Variants in THSD4 observed in about 807,000 individuals in gnomAD.
THSD4 encodes thrombospondin type-1 domain-containing protein 4.
THSD4 carries 69 observed loss-of-function variants against 119.0 expected under a neutral mutation model. That is an observed-to-expected ratio of 0.58 (90% confidence interval 0.48 to 0.71). The LOEUF (loss-of-function observed/expected upper bound fraction) is 0.71, where lower values mean the gene tolerates loss of function less well. Among genes scored for constraint, THSD4 ranks in the 30% least tolerant of loss-of-function variants. The pLI, the probability that THSD4 is intolerant of heterozygous loss-of-function variation, is 0.00. For missense variants in THSD4, 1,393 were observed against 1,391.1 expected (o/e 1.00, Z -0.02); for synonymous variants, 524 against 540.4 (o/e 0.97, Z 0.42).
At chr15:71,314,439 T>C (rs940054777) in intron 6 of THSD4, among the ~76,000 whole-genome samples, 2 of 152,102 alleles carry the variant, frequency 1.3e-5, no homozygotes, top group Non-Finnish European at 2.9e-5. Context: ...CCCAGGTAGC[T>C]GGGATTACAG....
At chr15:71,507,085 T>G (rs1283751939) in intron 7 of THSD4, among the ~76,000 whole-genome samples, 1 of 152,178 alleles carries the variant, frequency 6.6e-6, no homozygotes, top group Non-Finnish European at 1.5e-5. Flanking sequence ...TAGGCAAATT[T>G]AAAATGAGAC....
intron 1 of THSD4, among the ~76,000 whole-genome samples, chr15:71,110,078 C>G (rs2040292569): frequency 6.6e-6 from 1 of 152,176 alleles, no homozygotes; most frequent in Non-Finnish European, 1.5e-5. Context: ...TGATTAGCCT[C>G]AAACAGAGAA....
chr15:71,556,985 T>A (rs8025887), intron 7 of THSD4, among the ~76,000 whole-genome samples: 29,186 of 152,128 alleles, frequency 0.19, 3,422 homozygotes, highest in South Asian at 0.29. Flanking sequence ...ATTTTTATAA[T>A]TTTTATTTCT....
At chr15:71,462,460 A>G (rs1320258466) in intron 7 of THSD4, among the ~76,000 whole-genome samples, 1 of 152,222 alleles carries the variant, frequency 6.6e-6, no homozygotes, top group Non-Finnish European at 1.5e-5. Context: ...GCCCAGGCCT[A>G]ACTCTCAATG....
Position 71,731,185 on chromosome 15 carries a change from T to C in THSD4, c.1598T>C (p.Ile533Thr). ...YEYVIMGTNA[I>T]SPQVPPHRRP... The stretch of plus-strand genomic sequence containing the variant: ...TACGTGATCATGGGGACCAACGCCA[T>C]CAGCCCCCAGGTGCCACCCCACAGG... Residue 533 changes from isoleucine to threonine, a missense_variant, in exon 10 of 18, where the codon ATC (isoleucine) becomes ACC (threonine). Coordinates refer to ENST00000261862, the MANE Select transcript of THSD4 (RefSeq NM_024817.3). 6.2e-7 allele frequency: 1 copy of C among 1,614,172 alleles called. No homozygotes were observed. Among genetic ancestry groups the C allele is most frequent in the Non-Finnish European group, 8.5e-7 (1 of 1,180,016 alleles).
At chr15:71,216,765 AT>A (rs1015353372) in intron 4 of THSD4, among the ~76,000 whole-genome samples, 2 of 152,134 alleles carry the variant, frequency 1.3e-5, no homozygotes, top group Non-Finnish European at 2.9e-5. Flanking sequence ...GTCTCTTTTG[AT>A]CCCAGCCACA....
At chr15:71,206,088 C>A (rs1009877716) in intron 3 of THSD4, among the ~76,000 whole-genome samples, 1 of 152,052 alleles carries the variant, frequency 6.6e-6, no homozygotes, top group Non-Finnish European at 1.5e-5. Flanking sequence ...TGTTTCAAGT[C>A]GAAAGTCTCC....
At chr15:71,731,016 G>T in intron 9 of THSD4, 105 bp from the exon 10 acceptor site, 1 of 1,052,142 alleles carries the variant, frequency 9.5e-7, no homozygotes, top group Admixed American at 1.9e-5. Context: ...GCGTACTAGA[G>T]TGAACCAACC....
intron 8 of THSD4, among the ~76,000 whole-genome samples, chr15:71,685,332 C>G (rs1567100183): frequency 6.6e-6 from 1 of 151,852 alleles, no homozygotes; most frequent in Non-Finnish European, 1.5e-5. Context: ...AAACTGAAGA[C>G]CCCAGAGAGC....
chr15:71,253,203 T>C (rs1268967678), intron 5 of THSD4, among the ~76,000 whole-genome samples: 1 of 152,202 alleles, frequency 6.6e-6, no homozygotes, highest in Non-Finnish European at 1.5e-5. Context: ...GGAACTGGAC[T>C]ACGCTTAGAT....
chr15:71,415,647 T>C (rs2046749810), intron 7 of THSD4, among the ~76,000 whole-genome samples: 2 of 152,198 alleles, frequency 1.3e-5, no homozygotes, highest in East Asian at 3.8e-4. Flanking sequence ...TCTATTTTTT[T>C]GTACCCATTA....
At chr15:71,602,053 G>T (rs2050020949) in intron 7 of THSD4, among the ~76,000 whole-genome samples, 2 of 152,130 alleles carry the variant, frequency 1.3e-5, no homozygotes, top group Admixed American at 1.3e-4. Context: ...TTAAATGTTG[G>T]GTTTGGAGTG....
chr15:71,608,813 A>G (rs1452625450), intron 7 of THSD4, among the ~76,000 whole-genome samples: 1 of 152,238 alleles, frequency 6.6e-6, no homozygotes, highest in Non-Finnish European at 1.5e-5. Context: ...TGATACAATC[A>G]TGCAGTGAGT....
At chr15:71,229,527 T>G (rs2044044326) in intron 4 of THSD4, among the ~76,000 whole-genome samples, 1 of 152,230 alleles carries the variant, frequency 6.6e-6, no homozygotes, top group Non-Finnish European at 1.5e-5. Context: ...AAATACTTTG[T>G]AAATAGTTGT....
intron 4 of THSD4, among the ~76,000 whole-genome samples, chr15:71,231,926 G>A (rs1198648834): frequency 2.0e-5 from 3 of 152,128 alleles, no homozygotes; most frequent in Admixed American, 6.5e-5. Flanking sequence ...CCATTTGCTC[G>A]CAGGCTCTTT....
chr15:71,344,125 G>A (rs2045620742), intron 6 of THSD4, among the ~76,000 whole-genome samples: 2 of 148,612 alleles, frequency 1.3e-5, no homozygotes, highest in Admixed American at 1.4e-4. Context: ...TGCAAGCTCC[G>A]CCTCCCAGGT....
intron 8 of THSD4, among the ~76,000 whole-genome samples, chr15:71,695,313 T>C (rs1484629567): frequency 2.0e-5 from 3 of 152,090 alleles, no homozygotes; most frequent in African/African-American, 7.2e-5. Context: ...GATTCTCCCT[T>C]CTATCCTTTT....
chr15:71,430,559 T>G (rs1226408305), intron 7 of THSD4, among the ~76,000 whole-genome samples: 3 of 151,984 alleles, frequency 2.0e-5, no homozygotes, highest in Non-Finnish European at 4.4e-5. Flanking sequence ...TCTCTCTTTT[T>G]GAGCCTGGCC....
At chr15:71,112,110 G>C, upstream of THSD4, 1 of 1,613,320 alleles carries the variant, frequency 6.2e-7, no homozygotes. Flanking sequence ...GCTCTCAGCA[G>C]TGAGCCATTC....
Sources: allele counts gnomAD v4.1 joint callset (sites outside exome capture counted in the v4.1 genomes callset), GRCh38; gene constraint gnomAD v4.1.1; transcripts MANE v1.5; gene names NCBI Gene and HGNC (gene_info 2026-07-23, HGNC 2026-07-21).